The following ERBIN variants were observed in gnomAD, a reference collection of about 807,000 sequenced individuals.
ERBIN encodes the protein densin-180-like protein.
A neutral mutation model predicts 158.4 loss-of-function variants in ERBIN; 60 were observed. The observed-to-expected ratio is 0.38, with a 90% CI of 0.31 to 0.47. ERBIN has a LOEUF of 0.47. ERBIN is among the 20% of genes least tolerant of loss of function. ERBIN has a pLI of 0.99. For synonymous variants in ERBIN, 594 were observed against 557.2 expected, an observed-to-expected ratio of 1.07 and a Z score of -0.93; for missense variants, 1,610 against 1,648.0, an observed-to-expected ratio of 0.98 and a Z score of 0.40.
chr5:65,984,024 G>A (rs1267389375), intron 1 of ERBIN, among the ~76,000 whole-genome samples: 1 of 152,176 alleles, frequency 6.6e-6, no homozygotes, highest in Non-Finnish European at 1.5e-5. Context: ...TGCTTCCCGT[G>A]TGGCAGCTCT....
intron 21 of ERBIN, among the ~76,000 whole-genome samples, chr5:66,071,048 A>G (rs1761483426): frequency 2.6e-5 from 4 of 152,160 alleles, no homozygotes; most frequent in African/African-American, 9.7e-5. Flanking sequence ...TTCCTGGCAT[A>G]TTTATAATAA....
rs1762423373 is a variant in ERBIN, at chr5:66,082,423, G to A, written c.*3893G>A. On this transcript the variant is annotated 3_prime_UTR_variant, in exon 26 of 26. Coordinates refer to ENST00000284037, the MANE Select transcript of ERBIN (RefSeq NM_001253697.2). Reference sequence around the variant, plus strand: ...CATCTGCCCATCTAGCTTCTCAATCGGCCCACGGTTTTATTTCAGGATAAA... The same window carrying A: ...CATCTGCCCATCTAGCTTCTCAATCAGCCCACGGTTTTATTTCAGGATAAA... The A allele has an allele frequency of 6.6e-6, 1 of 152,092 alleles. No homozygotes were observed. The highest frequency in any genetic ancestry group is 1.5e-5 in the Non-Finnish European group (1 of 68,018). The allele number at this position is 152,092 out of a possible 1,614,324, so 9.4% of individuals were successfully genotyped here.
chr5:66,053,849 C>T lies in ERBIN; in HGVS notation c.2531C>T (p.Ser844Phe), dbSNP rs776808091. 6.2e-6 allele frequency: 10 copies of T among 1,613,986 alleles called. No homozygotes were observed. The South Asian group carries it at 1.1e-4, about 18-fold the overall frequency. ...NRTEPHDSDC[S>F]VDLGISKSTE... ...ACTGAACCACATGACAGTGATTGTT[C>T]TGTTGACTTAGGTATTTCCAAAAGC... is the stretch of plus-strand genomic sequence containing the variant. Residue 844 changes from serine (S) to phenylalanine (F), a missense_variant, in exon 21 of 26, where the codon TCT becomes TTT. Around this residue, in one of 2 missense-constraint regions of ERBIN, gnomAD observed 1,014 missense variants for 936.1 expected, o/e 1.08. Transcript: ENST00000284037.
intron 1 of ERBIN, among the ~76,000 whole-genome samples, chr5:65,959,967 C>T (rs1309392702): frequency 1.3e-5 from 2 of 152,166 alleles, no homozygotes; most frequent in Non-Finnish European, 2.9e-5. Flanking sequence ...TAAAATTAAA[C>T]ATACAGCTAC....
At chr5:66,069,083 G>GT (rs1212991263) in intron 21 of ERBIN, 1 of 1,361,832 alleles carries the variant, frequency 7.3e-7, no homozygotes, top group East Asian at 2.7e-5. Flanking sequence ...AATTTTAAGT[G>GT]TTTTAATGTT....
intron 1 of ERBIN, among the ~76,000 whole-genome samples, chr5:65,974,819 T>G (rs1365739135): frequency 1.3e-5 from 2 of 152,154 alleles, no homozygotes; most frequent in Non-Finnish European, 2.9e-5. Context: ...ATTAGGAATG[T>G]GTTAAGAGGT....
chr5:65,968,467 T>A lies in ERBIN; in HGVS notation c.-57-20168T>A, dbSNP rs567208591. On this transcript the variant is annotated intron_variant, in intron 1 of 25. Coordinates refer to ENST00000284037, the MANE Select transcript of ERBIN (RefSeq NM_001253697.2). ...GGCTCTGTGGAAAAGAAAATTGACA[T>A]CACTATCAAACTAGTTACAAGACCT... Among the ~76,000 whole-genome samples, 6 of 152,314 alleles carry A rather than the reference T, an allele frequency of 3.9e-5. No individual in the cohort carries two copies. The South Asian group carries it at 1.2e-3, about 32-fold the overall frequency.
At chr5:65,951,068 A>G (rs1746448858) in intron 1 of ERBIN, among the ~76,000 whole-genome samples, 1 of 152,162 alleles carries the variant, frequency 6.6e-6, no homozygotes, top group Admixed American at 6.5e-5. Context: ...GCTGGACTGT[A>G]GCTGGATTCT....
chr5:65,957,843 G>A (rs1037041827), intron 1 of ERBIN, among the ~76,000 whole-genome samples: 1 of 150,494 alleles, frequency 6.6e-6, no homozygotes, highest in African/African-American at 2.4e-5. Flanking sequence ...GGGCGGAGGG[G>A]CTCCTCACTT....
At chr5:66,009,921 A>G (rs1220567479) in intron 4 of ERBIN, among the ~76,000 whole-genome samples, 5 of 152,202 alleles carry the variant, frequency 3.3e-5, no homozygotes, top group African/African-American at 1.2e-4. Context: ...AACTGAAAAG[A>G]CCAGGGAATG....
intron 4 of ERBIN, among the ~76,000 whole-genome samples, chr5:66,000,407 G>A (rs1752900649): frequency 6.6e-6 from 1 of 152,084 alleles, no homozygotes. Context: ...GTAGAGTTAG[G>A]CAACCTATTA....
At chr5:66,061,309 A>T (rs917138939) in intron 21 of ERBIN, among the ~76,000 whole-genome samples, 7 of 151,380 alleles carry the variant, frequency 4.6e-5, no homozygotes, top group Non-Finnish European at 7.4e-5. Flanking sequence ...GCCTTCTTTG[A>T]CTCTTTTGAT....
intron 1 of ERBIN, among the ~76,000 whole-genome samples, chr5:65,938,355 G>C (rs1437188230): frequency 6.8e-6 from 1 of 147,272 alleles, no homozygotes; most frequent in Non-Finnish European, 1.5e-5. Context: ...TAATAGATTC[G>C]TGAGCAGGCA....
chr5:66,076,332 A>G lies in ERBIN; in HGVS notation c.3980A>G (p.Glu1327Gly), dbSNP rs762185742. The change falls in exon 24 of 26, where the codon GAA (glutamate) becomes GGA (glycine). Residue 1327 changes from glutamate to glycine, a missense_variant. By Grantham distance (98) the Glu-to-Gly change is moderately conservative (BLOSUM62 -2). Around this residue, in one of 2 missense-constraint regions of ERBIN, gnomAD observed 1,014 missense variants for 936.1 expected, o/e 1.08. Coordinates refer to ENST00000284037, the MANE Select transcript of ERBIN (RefSeq NM_001253697.2). ...LAKQEIRVRV[E>G]KDPELGFSIS... ...TTAACTCAGATTCGAGTGAGGGTTG[A>G]AAAGGATCCAGAACTTGGATTTAGC... 9 of 1,613,376 alleles carry G rather than the reference A, an allele frequency of 5.6e-6. No individual in the cohort carries two copies. The highest frequency in any genetic ancestry group is 7.6e-6 in the Non-Finnish European group (9 of 1,179,662).
At chr5:66,072,127 T>G (rs1053465603) in intron 21 of ERBIN, 42 bp from the exon 22 acceptor site, 15 of 1,537,580 alleles carry the variant, frequency 9.8e-6, no homozygotes, top group Non-Finnish European at 1.3e-5. Context: ...TTTCACATCT[T>G]AAAGAACATT....
At chr5:66,019,501 A>G (rs1392408135) in intron 7 of ERBIN, among the ~76,000 whole-genome samples, 1 of 152,142 alleles carries the variant, frequency 6.6e-6, no homozygotes, top group Non-Finnish European at 1.5e-5. Context: ...GATATTGTTT[A>G]TGTTTTCTCC....
At chr5:66,030,291 T>C (rs1352107577) in intron 14 of ERBIN, among the ~76,000 whole-genome samples, 6 of 150,998 alleles carry the variant, frequency 4.0e-5, no homozygotes, top group African/African-American at 9.7e-5. Flanking sequence ...ATCCGCCTGC[T>C]TCGGCCTCCC....
chr5:66,013,717 C>T lies in ERBIN; in HGVS notation c.476+79C>T, dbSNP rs1754436135. ...AAAACTATAAGCTGCTTTGGTAGTA[C>T]TACTCATTACAGTTTCATAGGCTCT... On this transcript the variant is annotated intron_variant, in intron 6 of 25. Transcript: ENST00000284037. 3 of 841,460 alleles carry T rather than the reference C, an allele frequency of 3.6e-6. No homozygotes were observed. In the East Asian group the frequency reaches 7.4e-5, roughly 21 times the overall value. 52.1% of individuals were successfully genotyped at this position (841,460 alleles called of 1,614,324 possible).
intron 1 of ERBIN, among the ~76,000 whole-genome samples, chr5:65,943,640 A>G (rs251319): frequency 0.7 from 106,785 of 152,118 alleles, 39,736 homozygotes; most frequent in Non-Finnish European, 0.84. Context: ...ACTTCCACCC[A>G]ATGTTTAAAA....
Sources: gnomAD v4.1 joint callset for allele counts (sites outside exome capture counted in the v4.1 genomes callset) on GRCh38, gnomAD v4.1.1 for gene constraint, gnomAD v4.1.1 regional missense constraint, MANE v1.5 for transcripts, NCBI Gene and HGNC (gene_info 2026-07-23, HGNC 2026-07-21) for gene names.